The following IGSF21 variants were observed in gnomAD, a reference collection of about 807,000 sequenced individuals.
IGSF21 encodes immunoglobin superfamily member 21.
In IGSF21, 28 loss-of-function variants were observed where a neutral mutation model predicts 46.8. The ratio of observed to expected loss-of-function variants is 0.60; its 90% CI spans 0.44 to 0.82. IGSF21 has a LOEUF of 0.82. IGSF21 is among the 40% of genes least tolerant of loss of function. IGSF21 has a pLI of 0.00. For synonymous variants in IGSF21, 284 were observed against 273.6 expected (o/e 1.04, Z -0.38); for missense variants, 624 against 665.5 (o/e 0.94, Z 0.69).
At chr1:18,152,546 C>A (rs1268282103) in intron 1 of IGSF21, among the ~76,000 whole-genome samples, 1 of 152,194 alleles carries the variant, frequency 6.6e-6, no homozygotes, top group Non-Finnish European at 1.5e-5. Context: ...CTCTCTGAAC[C>A]TTAGCTCGCT....
At chr1:18,193,891 G>A (rs567603315) in intron 1 of IGSF21, among the ~76,000 whole-genome samples, 10 of 152,294 alleles carry the variant, frequency 6.6e-5, no homozygotes, top group African/African-American at 2.4e-4. Flanking sequence ...ACAAGCTGAA[G>A]GGGAGTTTCC....
At chr1:18,153,916 G>A (rs1008413537) in intron 1 of IGSF21, among the ~76,000 whole-genome samples, 1 of 152,152 alleles carries the variant, frequency 6.6e-6, no homozygotes, top group African/African-American at 2.4e-5. Context: ...GAGCCCATGT[G>A]TTCCTTTAAA....
At chr1:18,311,138 T>C (rs1183310584) in intron 3 of IGSF21, among the ~76,000 whole-genome samples, 2 of 152,170 alleles carry the variant, frequency 1.3e-5, no homozygotes, top group Non-Finnish European at 2.9e-5. Flanking sequence ...TCAAAGAACA[T>C]GTACACATTC....
intron 3 of IGSF21, among the ~76,000 whole-genome samples, chr1:18,325,641 C>T (rs774872147): frequency 1.5e-4 from 23 of 152,162 alleles, no homozygotes; most frequent in Non-Finnish European, 2.6e-4. Flanking sequence ...CCATAATCTG[C>T]GCTGGAACCA....
At chr1:18,135,802 G>A (rs1354389047) in intron 1 of IGSF21, among the ~76,000 whole-genome samples, 3 of 152,170 alleles carry the variant, frequency 2.0e-5, no homozygotes, top group Admixed American at 1.3e-4. Context: ...GGGTCAAATG[G>A]CATTTCTAGT....
In IGSF21 at chr1:18,157,831, G is replaced by C. The variant is rs142650703; in HGVS notation, c.70+49633G>C. 6.0e-4 allele frequency among the ~76,000 whole-genome samples: 91 copies of C among 152,196 alleles called. 2 individuals carry two copies. The highest frequency in any genetic ancestry group is 2.0e-3 in the African/African-American group (82 of 41,522). The stretch of plus-strand genomic sequence containing the variant: ...GCTGGATGAGTCTTGGAGGGGAGGG[G>C]TGTTTCCTCCATCTGACTCAGGGCT... On this transcript the variant is annotated intron_variant, in intron 1 of 9. Transcript: ENST00000251296.
chr1:18,273,700 G>T (rs1453788439), intron 2 of IGSF21, among the ~76,000 whole-genome samples: 1 of 151,364 alleles, frequency 6.6e-6, no homozygotes, highest in Non-Finnish European at 1.5e-5. Context: ...AATATACTGG[G>T]TGATTTTTTA....
At chr1:18,237,603 C>A (rs192165229) in intron 2 of IGSF21, among the ~76,000 whole-genome samples, 3 of 152,304 alleles carry the variant, frequency 2.0e-5, no homozygotes, top group Admixed American at 2.0e-4. Flanking sequence ...CTCTGTGAAG[C>A]CTTCTGACCC....
intron 3 of IGSF21, among the ~76,000 whole-genome samples, chr1:18,315,413 A>G (rs1323579516): frequency 2.0e-5 from 3 of 152,204 alleles, no homozygotes; most frequent in Admixed American, 1.3e-4. Context: ...TGTCTGCAAC[A>G]CTAGAAAGTC....
intron 4 of IGSF21, among the ~76,000 whole-genome samples, chr1:18,345,081 C>T (rs1569850821): frequency 6.6e-6 from 1 of 152,176 alleles, no homozygotes; most frequent in East Asian, 1.9e-4. Context: ...GCTGGGGCTA[C>T]TCTTATTCCC....
intron 3 of IGSF21, among the ~76,000 whole-genome samples, chr1:18,303,761 A>G (rs1053898778): frequency 3.9e-5 from 6 of 152,144 alleles, no homozygotes; most frequent in Admixed American, 1.3e-4. Context: ...TCCCAGGGCT[A>G]TGCTAGCAAC....
At chr1:18,271,780 C>T (rs2085045215) in intron 2 of IGSF21, among the ~76,000 whole-genome samples, 1 of 152,150 alleles carries the variant, frequency 6.6e-6, no homozygotes, top group Non-Finnish European at 1.5e-5. Flanking sequence ...AAGCCCCAGC[C>T]CCTCAGGGCT....
intron 3 of IGSF21, among the ~76,000 whole-genome samples, chr1:18,295,538 A>G (rs750463124): frequency 3.3e-5 from 5 of 152,318 alleles, no homozygotes; most frequent in Admixed American, 6.5e-5. Flanking sequence ...AAGGAATGAG[A>G]TGCTGGGTGC....
At chr1:18,324,832 G>T (rs1325295525) in intron 3 of IGSF21, among the ~76,000 whole-genome samples, 1 of 152,192 alleles carries the variant, frequency 6.6e-6, no homozygotes, top group African/African-American at 2.4e-5. Flanking sequence ...AAAACCCAGG[G>T]CTTGGCCAAA....
At chr1:18,114,842 G>T (rs2086174829) in intron 1 of IGSF21, 1 of 152,200 alleles carries the variant, frequency 6.6e-6, no homozygotes, top group South Asian at 2.1e-4. Flanking sequence ...TCAACCCATT[G>T]CTGGACTTCA....
intron 2 of IGSF21, among the ~76,000 whole-genome samples, chr1:18,282,204 C>T (rs925079852): frequency 2.0e-5 from 3 of 152,082 alleles, no homozygotes; most frequent in Admixed American, 6.6e-5. Flanking sequence ...TGGTTCCTGA[C>T]CCCTGTGTCC....
At chr1:18,342,837 T>C (rs1022598197) in intron 4 of IGSF21, among the ~76,000 whole-genome samples, 1 of 152,222 alleles carries the variant, frequency 6.6e-6, no homozygotes, top group Admixed American at 6.5e-5. Context: ...CATTCCTCAG[T>C]GGATGGAAAT....
chr1:18,347,226 C>T (rs1040256118), intron 4 of IGSF21, among the ~76,000 whole-genome samples: 1 of 152,062 alleles, frequency 6.6e-6, no homozygotes, highest in Non-Finnish European at 1.5e-5. Context: ...CCCACCCTCA[C>T]CCAGGAACAG....
At chr1:18,163,474 C>T (rs531131597) in intron 1 of IGSF21, among the ~76,000 whole-genome samples, 200 of 152,240 alleles carry the variant, frequency 1.3e-3, no homozygotes, top group African/African-American at 4.5e-3. Flanking sequence ...TGCCGGGAGG[C>T]GGTTTCTTTT....
Sources: allele counts gnomAD v4.1 joint callset (sites outside exome capture counted in the v4.1 genomes callset), GRCh38; gene constraint gnomAD v4.1.1; transcripts MANE v1.5; gene names NCBI Gene and HGNC (gene_info 2026-07-23, HGNC 2026-07-21).